The following ANO10 variants were observed in gnomAD, a reference collection of about 807,000 sequenced individuals.
ANO10 encodes anoctamin 10, also known as anoctamin-10.
A neutral mutation model predicts 74.7 loss-of-function variants in ANO10; 77 were observed. The observed-to-expected ratio is 1.03, with a 90% CI of 0.86 to 1.25. The LOEUF (loss-of-function observed/expected upper bound fraction) is 1.25, where lower values mean the gene tolerates loss of function less well. Among genes scored for constraint, ANO10 ranks in the 50% most tolerant of loss-of-function variants. The pLI is 0.00. For missense variants in ANO10, 721 were observed against 778.1 expected (o/e 0.93, Z 0.87); for synonymous variants, 279 against 284.9 (o/e 0.98, Z 0.21).
intron 4 of ANO10, among the ~76,000 whole-genome samples, chr3:43,596,436 C>T (rs1293213948): frequency 1.3e-5 from 2 of 152,070 alleles, no homozygotes; most frequent in South Asian, 4.1e-4. Context: ...TGGAACAGAA[C>T]AGAGCCCTCA....
chr3:43,537,379 T>C (rs1263605331), intron 11 of ANO10, among the ~76,000 whole-genome samples: 1 of 152,174 alleles, frequency 6.6e-6, no homozygotes, highest in Non-Finnish European at 1.5e-5. Context: ...AGTGACCACA[T>C]CACAGGCTTA....
chr3:43,483,655 G>A (rs1435008958), intron 11 of ANO10, among the ~76,000 whole-genome samples: 5 of 152,202 alleles, frequency 3.3e-5, no homozygotes, highest in African/African-American at 1.2e-4. Context: ...ATGGCCCAGT[G>A]TTCAGTTTCA....
At chr3:43,669,385 C>G (rs2084030457) in intron 1 of ANO10, among the ~76,000 whole-genome samples, 1 of 151,996 alleles carries the variant, frequency 6.6e-6, no homozygotes, top group Admixed American at 6.5e-5. Flanking sequence ...AATGTGAGGG[C>G]CCCCCATGAA....
intron 1 of ANO10, among the ~76,000 whole-genome samples, chr3:43,656,421 C>A (rs1023581324): frequency 4.6e-5 from 7 of 152,246 alleles, no homozygotes; most frequent in African/African-American, 1.7e-4. Context: ...CTGTGCCGTG[C>A]GCTCGCACTC....
At chr3:43,572,721 C>A in intron 7 of ANO10, among the ~76,000 whole-genome samples, 1 of 152,348 alleles carries the variant, frequency 6.6e-6, no homozygotes, top group Non-Finnish European at 1.5e-5. Context: ...CTTTCTGCCT[C>A]CCAGCCCCCA....
At chr3:43,567,451 T>C (rs1575445331) in intron 7 of ANO10, among the ~76,000 whole-genome samples, 2 of 152,082 alleles carry the variant, frequency 1.3e-5, no homozygotes, top group African/African-American at 4.8e-5. Context: ...GGGTTACCCT[T>C]AAAGGGAAGC....
At chr3:43,405,753 C>T (rs745482486) in intron 12 of ANO10, among the ~76,000 whole-genome samples, 4 of 152,058 alleles carry the variant, frequency 2.6e-5, no homozygotes, top group Non-Finnish European at 5.9e-5. Context: ...GGATTACAGG[C>T]GTGAGCCACT....
At chr3:43,587,338 T>C (rs556792312) in intron 4 of ANO10, among the ~76,000 whole-genome samples, 2 of 152,158 alleles carry the variant, frequency 1.3e-5, no homozygotes, top group Non-Finnish European at 2.9e-5. Flanking sequence ...GGAAGAGATC[T>C]GGGCCACAGT....
intron 11 of ANO10, among the ~76,000 whole-genome samples, chr3:43,476,118 T>A (rs2076056907): frequency 6.6e-6 from 1 of 152,258 alleles, no homozygotes; most frequent in Non-Finnish European, 1.5e-5. Flanking sequence ...CATTTTATAA[T>A]GTTAACTAGT....
rs1320912689 is a variant in ANO10, at chr3:43,490,462, A to G, written c.1798-57735T>C. On this transcript the variant is annotated intron_variant, in intron 11 of 12. Coordinates refer to ENST00000292246, the MANE Select transcript of ANO10 (RefSeq NM_018075.5). ...AGAGGACTCCTTTTAAAACAAGGTC[A>G]TATTTTAAGATCATAATAGTGAAGA... Among the ~76,000 whole-genome samples, 4 of 152,236 alleles carry G rather than the reference A, an allele frequency of 2.6e-5. No homozygotes were observed. The South Asian group carries it at 8.3e-4, about 31-fold the overall frequency.
chr3:43,501,544 A>C (rs2077100067), intron 11 of ANO10, among the ~76,000 whole-genome samples: 1 of 152,118 alleles, frequency 6.6e-6, no homozygotes, highest in South Asian at 2.1e-4. Flanking sequence ...CTGAGAAATC[A>C]TGAGGTCAAA....
chr3:43,488,372 G>A (rs1405422415), intron 11 of ANO10, among the ~76,000 whole-genome samples: 1 of 149,916 alleles, frequency 6.7e-6, no homozygotes, highest in African/African-American at 2.4e-5. Context: ...TACCATCAGA[G>A]TGAACAGGCA....
chr3:43,512,677 A>C (rs2077555602), intron 11 of ANO10, among the ~76,000 whole-genome samples: 1 of 152,156 alleles, frequency 6.6e-6, no homozygotes, highest in African/African-American at 2.4e-5. Context: ...TGAAGTCACT[A>C]ATTATAGAAA....
At chr3:43,550,620 A>C (rs911597980) in intron 10 of ANO10, among the ~76,000 whole-genome samples, 1 of 152,198 alleles carries the variant, frequency 6.6e-6, no homozygotes, top group Non-Finnish European at 1.5e-5. Flanking sequence ...ACTTAATATG[A>C]ATACATTTTG....
intron 1 of ANO10, chr3:43,690,142 C>G (rs865926928): frequency 6.6e-6 from 1 of 152,368 alleles, no homozygotes; most frequent in South Asian, 2.1e-4. Context: ...TCACCGCAAC[C>G]TCCGCCTCCC....
chr3:43,594,489 A>G (rs1334773135), intron 4 of ANO10, among the ~76,000 whole-genome samples: 1 of 152,242 alleles, frequency 6.6e-6, no homozygotes, highest in Admixed American at 6.5e-5. Context: ...ATAGAAACTG[A>G]ACAACCTGCT....
At chr3:43,394,572 G>A (rs2092341993) in intron 12 of ANO10, among the ~76,000 whole-genome samples, 1 of 152,088 alleles carries the variant, frequency 6.6e-6, no homozygotes, top group Non-Finnish European at 1.5e-5. Context: ...GAATTTATAG[G>A]AAACAGTGAA....
At chr3:43,644,116 T>C (rs530401923) in intron 1 of ANO10, among the ~76,000 whole-genome samples, 1 of 152,174 alleles carries the variant, frequency 6.6e-6, no homozygotes, top group Non-Finnish European at 1.5e-5. Context: ...TTGTTTTTGC[T>C]GAATGTTGAA....
intron 4 of ANO10, among the ~76,000 whole-genome samples, chr3:43,597,422 C>G (rs1388679794): frequency 1.3e-5 from 2 of 152,158 alleles, no homozygotes; most frequent in East Asian, 3.8e-4. Flanking sequence ...CCATGGAATA[C>G]TATGCAGCCA....
Sources: allele counts gnomAD v4.1 joint callset (sites outside exome capture counted in the v4.1 genomes callset), GRCh38; gene constraint gnomAD v4.1.1; transcripts MANE v1.5; gene names NCBI Gene and HGNC (gene_info 2026-07-23, HGNC 2026-07-21).